The following COL4A1 variants were observed in gnomAD, a reference collection of about 807,000 sequenced individuals.
The protein encoded by COL4A1 is collagen alpha-1(IV) chain.
In COL4A1, 40 loss-of-function variants were observed where a neutral mutation model predicts 216.6. The ratio of observed to expected loss-of-function variants is 0.18; its 90% CI spans 0.14 to 0.24. The LOEUF (loss-of-function observed/expected upper bound fraction) is 0.24. Among genes scored for constraint, COL4A1 ranks in the 10% least tolerant of loss-of-function variants. COL4A1 has a pLI of 1.00. For synonymous variants in COL4A1, 839 were observed against 810.7 expected (o/e 1.03, Z -0.59); for missense variants, 1,628 against 2,196.8 (o/e 0.74, Z 5.18).
chr13:110,266,235 T>C (rs1362692494), intron 1 of COL4A1: 1 of 152,114 alleles, frequency 6.6e-6, no homozygotes, highest in Non-Finnish European at 1.5e-5. Context: ...GGTCTCACAA[T>C]GGGCTCACAG....
intron 50 of COL4A1, among the ~76,000 whole-genome samples, chr13:110,154,458 G>A (rs970219092): frequency 3.9e-5 from 6 of 152,092 alleles, no homozygotes; most frequent in Non-Finnish European, 5.9e-5. Context: ...GCCAGCCCTC[G>A]GGTGTTCTCT....
At chr13:110,281,657 G>A (rs960192775) in intron 1 of COL4A1, among the ~76,000 whole-genome samples, 2 of 152,180 alleles carry the variant, frequency 1.3e-5, no homozygotes, top group African/African-American at 4.8e-5. Context: ...CTTGATCAAA[G>A]AGTAAAGTCT....
intron 1 of COL4A1, among the ~76,000 whole-genome samples, chr13:110,291,534 C>A (rs968623773): frequency 6.6e-6 from 1 of 152,180 alleles, no homozygotes; most frequent in Non-Finnish European, 1.5e-5. Context: ...CTCAGCCCTG[C>A]GAGGCTGGCC....
rs1228314712 is a variant in COL4A1 at position 110,237,263 on chromosome 13, AT to A, written c.144+5411del. On this transcript the variant is annotated intron_variant, in intron 2 of 51. Transcript: ENST00000375820. The stretch of plus-strand genomic sequence containing the variant: ...GACTCCCTCAGATTAGGGTCTGCTT[AT>A]CTGAAGGAGTAGAAACTGAGTCGTA... Among the ~76,000 whole-genome samples the A allele has an allele frequency of 3.8e-4, 58 of 152,302 alleles. No individual in the cohort carries two copies. Among genetic ancestry groups the A allele is most frequent in the African/African-American group, 1.3e-3 (54 of 41,574 alleles).
At chr13:110,219,846 G>A (rs1272902173) in intron 2 of COL4A1, among the ~76,000 whole-genome samples, 1 of 93,898 alleles carries the variant, frequency 1.1e-5, no homozygotes, top group African/African-American at 4.4e-5. Context: ...GTATATATGT[G>A]TATATATATG....
chr13:110,164,839 C>T, intron 46 of COL4A1, 23 bp downstream of exon 46: 1 of 1,612,950 alleles, frequency 6.2e-7, no homozygotes, highest in Non-Finnish European at 8.5e-7. Context: ...CCATACCGCC[C>T]TGCACAGGCC....
chr13:110,171,712 G>C (rs2139157310), intron 41 of COL4A1, among the ~76,000 whole-genome samples: 1 of 152,346 alleles, frequency 6.6e-6, no homozygotes, highest in East Asian at 1.9e-4. Context: ...GAAAACGCAA[G>C]GTGCTGCGTA....
intron 1 of COL4A1, among the ~76,000 whole-genome samples, chr13:110,270,535 T>C (rs1883207348): frequency 1.3e-5 from 2 of 152,138 alleles, no homozygotes; most frequent in African/African-American, 4.8e-5. Flanking sequence ...ACAACAACCA[T>C]TGTAGGGTTA....
chr13:110,252,557 A>T (rs1350959617), intron 1 of COL4A1, among the ~76,000 whole-genome samples: 1 of 91,776 alleles, frequency 1.1e-5, no homozygotes, highest in African/African-American at 3.2e-5. Flanking sequence ...ATATACGTAT[A>T]ATTATACGTA....
Position 110,307,076 on chromosome 13 carries a change from C to T in COL4A1, c.-49G>A, listed in dbSNP as rs1343856445. 4.4e-6 allele frequency: 6 copies of T among 1,373,518 alleles called. No individual in the cohort carries two copies. The highest frequency in any genetic ancestry group is 5.7e-6 in the Non-Finnish European group (6 of 1,054,274). The allele number at this position is 1,373,518 out of a possible 1,614,324, so 85.1% of individuals were successfully genotyped here. ...GGACGGCTGCCCGGCGTGCGGGGGC[C>T]GCGGCGGACAGCTAGCTCTCGGAAG... On this transcript the variant is annotated 5_prime_UTR_variant, in exon 1 of 52. Transcript: ENST00000375820. This position sits in a 1 kb window ranked among gnomAD's most constrained non-coding sequence, Gnocchi z 5.0.
intron 1 of COL4A1, among the ~76,000 whole-genome samples, chr13:110,246,249 A>G (rs933620859): frequency 2.6e-5 from 4 of 152,064 alleles, no homozygotes; most frequent in African/African-American, 9.7e-5. Flanking sequence ...TTAAAATATC[A>G]CTATTCTGGT....
intron 1 of COL4A1, among the ~76,000 whole-genome samples, chr13:110,299,078 G>C (rs1475365147): frequency 6.6e-6 from 1 of 152,212 alleles, no homozygotes; most frequent in Admixed American, 6.5e-5. Context: ...AACCGGGATT[G>C]CGGGCAGGAG....
chr13:110,232,088 T>C (rs1392947268), intron 2 of COL4A1, among the ~76,000 whole-genome samples: 2 of 152,240 alleles, frequency 1.3e-5, no homozygotes, highest in Non-Finnish European at 1.5e-5. Flanking sequence ...CAGGAATCAC[T>C]GTTAGCTTCT....
chr13:110,164,876 G>A lies in COL4A1; in HGVS notation c.4136C>T (p.Pro1379Leu), dbSNP rs756504768. 7 of 1,611,406 alleles carry A rather than the reference G, an allele frequency of 4.3e-6. No homozygotes were observed. The highest frequency in any genetic ancestry group is 4.5e-5 in the East Asian group (2 of 44,738). Residue 1379 changes from proline to leucine, a missense_variant, in exon 46 of 52, where the codon CCG becomes CTG. Pro to Leu is a moderately conservative substitution (Grantham distance 98). This residue lies in a region of COL4A1 where 345 missense variants were observed against 476.9 expected (regional missense o/e 0.72). Transcript: ENST00000375820. ...GLKGLQGLPG[P>L]KGQQGVTGLV... ...AGCCTTCTCACCTTGCTGGCCTTTCGGGCCTGGCAGTCCCTGAAGCCCTTT... is the reference window on the plus strand; with the variant it reads ...AGCCTTCTCACCTTGCTGGCCTTTCAGGCCTGGCAGTCCCTGAAGCCCTTT...
intron 48 of COL4A1, among the ~76,000 whole-genome samples, chr13:110,161,766 T>G (rs1172639230): frequency 6.6e-6 from 1 of 152,202 alleles, no homozygotes; most frequent in Non-Finnish European, 1.5e-5. Flanking sequence ...TGGGTCAGAT[T>G]AAGATAATGA....
intron 2 of COL4A1, among the ~76,000 whole-genome samples, chr13:110,227,668 A>G (rs1880804523): frequency 6.6e-6 from 1 of 152,198 alleles, no homozygotes; most frequent in African/African-American, 2.4e-5. Context: ...CAAATATACA[A>G]TTGCCAACTT....
intron 36 of COL4A1, 67 bp from the exon 37 acceptor site, chr13:110,175,424 G>A: frequency 1.3e-6 from 2 of 1,598,370 alleles, no homozygotes; most frequent in East Asian, 2.3e-5. Context: ...ATGAAAAAGT[G>A]CCTCCACAGC....
At chr13:110,250,203 CAAAAA>C (rs796114385) in intron 1 of COL4A1, among the ~76,000 whole-genome samples, 1 of 71,868 alleles carries the variant, frequency 1.4e-5, no homozygotes, top group Non-Finnish European at 3.2e-5. Flanking sequence ...ACATTCTTGG[CAAAAA>C]AAAAAAAAAG....
At chr13:110,152,202 C>T (rs1346710011) in intron 51 of COL4A1, 132 bp downstream of exon 51, 3 of 1,421,162 alleles carry the variant, frequency 2.1e-6, no homozygotes, top group East Asian at 2.5e-5. Context: ...CTGCCCATGT[C>T]GAACAGCATC....
Sources: allele counts gnomAD v4.1 joint callset (sites outside exome capture counted in the v4.1 genomes callset), GRCh38; gene constraint gnomAD v4.1.1; regional missense constraint gnomAD v4.1.1; non-coding constraint Gnocchi (gnomAD v3.1); transcripts MANE v1.5; gene names NCBI Gene and HGNC (gene_info 2026-07-23, HGNC 2026-07-21).